The following CDC42 variants were observed in gnomAD, a reference collection of about 807,000 sequenced individuals.
CDC42 encodes cell division cycle 42, also known as cell division control protein 42 homolog.
CDC42 carries 1 observed loss-of-function variant against 20.8 expected under a neutral mutation model. The ratio of observed to expected loss-of-function variants is 0.05; its 90% CI spans 0.02 to 0.23. The LOEUF (loss-of-function observed/expected upper bound fraction) is 0.23, where lower values mean the gene tolerates loss of function less well. Ranked by LOEUF, CDC42 falls within the 10% of genes least tolerant of loss-of-function variation. The pLI is 1.00. For synonymous variants in CDC42, 72 were observed against 84.8 expected (o/e 0.85, Z 0.83); for missense variants, 49 against 227.9 (o/e 0.21, Z 5.05).
chr1:22,082,920 C>A (rs1645623802), intron 3 of CDC42, among the ~76,000 whole-genome samples: 1 of 132,786 alleles, frequency 7.5e-6, no homozygotes, highest in African/African-American at 2.9e-5. Context: ...GCTGTTGTTG[C>A]CCAGGCTGGA....
intron 1 of CDC42, 128 bp from the exon 2 acceptor site, chr1:22,078,301 T>A (rs1422741418): frequency 3.0e-5 from 15 of 493,704 alleles, no homozygotes; most frequent in Non-Finnish European, 4.7e-5. Context: ...TGTCTCTTAT[T>A]GGGTTCTTTT....
chr1:22,097,117 G>C lies in CDC42; in HGVS notation c.*5600G>C, dbSNP rs1645763121. The stretch of plus-strand genomic sequence containing the variant: ...CTGCATCTTGCACATGGTGAGGAAA[G>C]GTGAGGACATTTAGATGACCTTTGC... On this transcript the variant is annotated 3_prime_UTR_variant, in exon 6 of 6. Coordinates refer to ENST00000656825, the MANE Select transcript of CDC42 (RefSeq NM_001791.4). Among the ~76,000 whole-genome samples, 1 of 152,208 alleles carries C rather than the reference G, an allele frequency of 6.6e-6. No homozygotes were observed. The highest frequency in any genetic ancestry group is 1.5e-5 in the Non-Finnish European group (1 of 68,042).
chr1:22,092,076 A>G lies in CDC42; in HGVS notation c.*559A>G, dbSNP rs1645724486. ...ACATTCCACTTCCTAGATCTAGTTTAGAAAACATGTTCCCCATCTGGTGCT... is the reference window on the plus strand; with the variant it reads ...ACATTCCACTTCCTAGATCTAGTTTGGAAAACATGTTCCCCATCTGGTGCT... On this transcript the variant is annotated 3_prime_UTR_variant, in exon 6 of 6. Transcript: ENST00000656825. 1 of 152,356 alleles carries G rather than the reference A, an allele frequency of 6.6e-6. No individual in the cohort carries two copies. Among genetic ancestry groups the G allele is most frequent in the Admixed American group, 6.6e-5 (1 of 15,240 alleles). The allele number at this position is 152,356 out of a possible 1,614,324, so 9.4% of individuals were successfully genotyped here.
chr1:22,075,919 A>T (rs941373731), intron 1 of CDC42, among the ~76,000 whole-genome samples: 10 of 151,912 alleles, frequency 6.6e-5, no homozygotes, highest in African/African-American at 2.4e-4. Context: ...GTGGGTAAAT[A>T]GAAAGGGGAA....
chr1:22,082,820 A>G (rs1426833127), intron 3 of CDC42, among the ~76,000 whole-genome samples: 1 of 152,148 alleles, frequency 6.6e-6, no homozygotes, highest in African/African-American at 2.4e-5. Flanking sequence ...CCATAATGTC[A>G]TGATAAATGA....
chr1:22,082,378 A>G (rs917275975), intron 3 of CDC42, among the ~76,000 whole-genome samples: 1 of 152,242 alleles, frequency 6.6e-6, no homozygotes, highest in Non-Finnish European at 1.5e-5. Flanking sequence ...GTGAACTATT[A>G]TCTGCTCACA....
chr1:22,085,621 A>G (rs1276887753), intron 3 of CDC42, among the ~76,000 whole-genome samples: 1 of 152,108 alleles, frequency 6.6e-6, no homozygotes, highest in African/African-American at 2.4e-5. Flanking sequence ...TTTGTTATCC[A>G]AGTCTTTTGC....
chr1:22,068,225 T>C (rs1645445585), intron 1 of CDC42: 1 of 152,584 alleles, frequency 6.6e-6, no homozygotes, highest in African/African-American at 2.4e-5. Context: ...TACATCTCTT[T>C]ACAAATAAAC....
chr1:22,094,481 T>A lies in CDC42; in HGVS notation c.*2964T>A, dbSNP rs1290156538. ...CCCGGCTAATTTTTTGTATTTTTAG[T>A]AGAGACGGGGTTTCACCGTGTTAGC... On this transcript the variant is annotated 3_prime_UTR_variant, in exon 6 of 6. Transcript: ENST00000656825. Among the ~76,000 whole-genome samples, 1 of 146,898 alleles carries A rather than the reference T, an allele frequency of 6.8e-6. No homozygotes were observed. The highest frequency in any genetic ancestry group is 1.5e-5 in the Non-Finnish European group (1 of 67,412).
At position 22,094,293 on chromosome 1, in the gene CDC42, G is replaced by GTTTTTTTTT. The variant is rs1557910832; in HGVS notation, c.*2776_*2777insTTTTTTTTT. On this transcript the variant is annotated 3_prime_UTR_variant, in exon 6 of 6. Coordinates refer to ENST00000656825, the MANE Select transcript of CDC42 (RefSeq NM_001791.4). ...TGTTTTACTGAACATCCTAGAAATA[G>GTTTTTTTTT]ATTTTTTTTTTTTTTTTTTTTTGAG... Among the ~76,000 whole-genome samples, 3 of 27,696 alleles carry GTTTTTTTTT rather than the reference G, an allele frequency of 1.1e-4. No homozygotes were observed. The highest frequency in any genetic ancestry group is 1.8e-3 in the South Asian group (1 of 552). The allele number at this position is 27,696 out of a possible 152,430, so 18.2% of individuals were successfully genotyped here.
chr1:22,054,913 A>G (rs1557890110), intron 1 of CDC42, among the ~76,000 whole-genome samples: 1 of 14,624 alleles, frequency 6.8e-5, no homozygotes, highest in Non-Finnish European at 1.5e-4. Context: ...ATATATATAT[A>G]TATATATATT....
chr1:22,061,197 A>G (rs1645358921), intron 1 of CDC42, among the ~76,000 whole-genome samples: 1 of 152,104 alleles, frequency 6.6e-6, no homozygotes, highest in South Asian at 2.1e-4. Flanking sequence ...ACCTGAGGTC[A>G]GGAGTTCGAG....
chr1:22,078,927 C>G (rs1485416884), intron 2 of CDC42: 10 of 1,106,364 alleles, frequency 9.0e-6, no homozygotes, highest in Non-Finnish European at 1.2e-5. Context: ...AATTATTGAT[C>G]AGTACTTGGA....
intron 1 of CDC42, among the ~76,000 whole-genome samples, chr1:22,054,615 C>T (rs188910436): frequency 6.6e-6 from 1 of 152,058 alleles, no homozygotes; most frequent in East Asian, 1.9e-4. Flanking sequence ...CAAGTGCTTT[C>T]CCACTGTTTC....
At chr1:22,065,867 T>C (rs1645417399) in intron 1 of CDC42, among the ~76,000 whole-genome samples, 1 of 152,084 alleles carries the variant, frequency 6.6e-6, no homozygotes, top group Admixed American at 6.6e-5. Context: ...CAAGCGATTC[T>C]CAAGCCTCAG....
chr1:22,052,874 G>A (rs2152824492), intron 1 of CDC42, 132 bp downstream of exon 1: 1 of 152,546 alleles, frequency 6.6e-6, no homozygotes, highest in South Asian at 2.1e-4. Context: ...CACGGGTTGT[G>A]GGGGAGTGCC....
intron 3 of CDC42, among the ~76,000 whole-genome samples, chr1:22,083,957 A>G (rs371132479): frequency 6.6e-6 from 1 of 152,138 alleles, no homozygotes; most frequent in African/African-American, 2.4e-5. Context: ...AGAGTTGTCC[A>G]TGTTGTGTGT....
intron 1 of CDC42, among the ~76,000 whole-genome samples, chr1:22,056,630 T>G (rs1553193199): frequency 1.3e-5 from 2 of 152,214 alleles, no homozygotes; most frequent in Admixed American, 6.5e-5. Context: ...TTCAGCTACC[T>G]CTGCTGCTGC....
At chr1:22,076,088 T>C (rs1039979630) in intron 1 of CDC42, among the ~76,000 whole-genome samples, 11 of 152,250 alleles carry the variant, frequency 7.2e-5, no homozygotes, top group African/African-American at 2.4e-4. Context: ...ATACTTGTCA[T>C]TCCACTAGCA....
Sources: allele counts gnomAD v4.1 joint callset (sites outside exome capture counted in the v4.1 genomes callset), GRCh38; gene constraint gnomAD v4.1.1; transcripts MANE v1.5; gene names NCBI Gene and HGNC (gene_info 2026-07-23, HGNC 2026-07-21).